Variants in PTPRN2 observed in about 807,000 individuals in gnomAD.
PTPRN2 encodes the protein receptor-type tyrosine-protein phosphatase N2.
A neutral mutation model predicts 118.8 loss-of-function variants in PTPRN2; 74 were observed. The ratio of observed to expected loss-of-function variants is 0.62; its 90% CI spans 0.52 to 0.76. The LOEUF is 0.76. Ranked by LOEUF, PTPRN2 falls within the 30% of genes least tolerant of loss-of-function variation. The pLI is 0.00. For synonymous variants in PTPRN2, 641 were observed against 608.0 expected, an observed-to-expected ratio of 1.05 and a Z score of -0.80; for missense variants, 1,481 against 1,394.4, an observed-to-expected ratio of 1.06 and a Z score of -0.99.
intron 12 of PTPRN2, among the ~76,000 whole-genome samples, chr7:157,751,528 G>A (rs1456374181): frequency 6.6e-6 from 1 of 152,114 alleles, no homozygotes. Flanking sequence ...GCGCTCGCTC[G>A]GGAGGTGTCT....
intron 3 of PTPRN2, among the ~76,000 whole-genome samples, chr7:158,251,267 T>C (rs1048967870): frequency 2.6e-5 from 4 of 152,208 alleles, no homozygotes; most frequent in African/African-American, 7.2e-5. Flanking sequence ...GGAACCCTCA[T>C]TGGTGAGCCG....
At chr7:157,675,354 A>G (rs1432686260) in intron 13 of PTPRN2, among the ~76,000 whole-genome samples, 1 of 152,076 alleles carries the variant, frequency 6.6e-6, no homozygotes, top group African/African-American at 2.4e-5. Context: ...CCGAGGCTGC[A>G]CCTGCACCAA....
At chr7:158,413,247 A>G (rs1237121808) in intron 2 of PTPRN2, among the ~76,000 whole-genome samples, 5 of 152,234 alleles carry the variant, frequency 3.3e-5, no homozygotes, top group Non-Finnish European at 7.3e-5. Context: ...ATTTTGTGCC[A>G]AAGTTGGGTT....
At chr7:158,044,943 A>G (rs1808737482) in intron 11 of PTPRN2, among the ~76,000 whole-genome samples, 1 of 152,218 alleles carries the variant, frequency 6.6e-6, no homozygotes, top group East Asian at 1.9e-4. Context: ...GCAGCCCCAA[A>G]CAATAACAAC....
At chr7:158,336,334 T>C (rs1289261753) in intron 2 of PTPRN2, among the ~76,000 whole-genome samples, 52 of 122,110 alleles carry the variant, frequency 4.3e-4, no homozygotes, top group African/African-American at 1.4e-3. Context: ...AGGTGACACC[T>C]GCAGACGTCA....
intron 2 of PTPRN2, among the ~76,000 whole-genome samples, chr7:158,334,416 T>A (rs866099302): frequency 1.6e-4 from 1 of 6,280 alleles, no homozygotes; most frequent in Non-Finnish European, 3.7e-4. Context: ...AGGTGAAACC[T>A]GCAGACGTCA....
At chr7:157,876,760 G>A (rs1016096877) in intron 12 of PTPRN2, among the ~76,000 whole-genome samples, 10 of 152,194 alleles carry the variant, frequency 6.6e-5, no homozygotes, top group Admixed American at 2.0e-4. Context: ...ACCCCAGGGC[G>A]GAGAACTTTC....
intron 3 of PTPRN2, among the ~76,000 whole-genome samples, chr7:158,279,425 G>C (rs1460521864): frequency 6.6e-6 from 1 of 152,136 alleles, no homozygotes; most frequent in African/African-American, 2.4e-5. Flanking sequence ...GGTACTCGCT[G>C]CAGGACTTTG....
At chr7:158,425,921 T>A (rs1815711405) in intron 2 of PTPRN2, among the ~76,000 whole-genome samples, 1 of 140,242 alleles carries the variant, frequency 7.1e-6, no homozygotes, top group African/African-American at 2.9e-5. Flanking sequence ...GCAGAGTCAG[T>A]CCAGCCTAGC....
At chr7:158,150,088 G>T (rs540541622) in intron 6 of PTPRN2, among the ~76,000 whole-genome samples, 1 of 152,180 alleles carries the variant, frequency 6.6e-6, no homozygotes, top group African/African-American at 2.4e-5. Flanking sequence ...AGAGGCCGTG[G>T]GGCAGAAGGC....
chr7:157,985,845 C>T (rs888974078), intron 11 of PTPRN2, among the ~76,000 whole-genome samples: 1 of 152,120 alleles, frequency 6.6e-6, no homozygotes, highest in Non-Finnish European at 1.5e-5. Flanking sequence ...GACCCGGCCT[C>T]GCTCAGAAAG....
At position 157,986,283 on chromosome 7, in the gene PTPRN2, C is replaced by A. The variant is rs1426213015; in HGVS notation, c.1724-87546G>T. Among the ~76,000 whole-genome samples the A allele has an allele frequency of 2.6e-5, 4 of 152,178 alleles. No homozygotes were observed. The highest frequency in any genetic ancestry group is 4.4e-5 in the Non-Finnish European group (3 of 68,042). On this transcript the variant is annotated intron_variant, in intron 11 of 22. Coordinates refer to ENST00000389418, the MANE Select transcript of PTPRN2 (RefSeq NM_002847.5). The surrounding 1 kb of genome is among the most constrained non-coding windows in gnomAD (Gnocchi z 4.5). ...AACGTGAAGGCTCCACCACTAGGAC[C>A]CAGGCAAGACTGCCAAGCGGATGAG...
chr7:157,827,788 C>T (rs987168785), intron 12 of PTPRN2, among the ~76,000 whole-genome samples: 1 of 152,246 alleles, frequency 6.6e-6, no homozygotes, highest in Non-Finnish European at 1.5e-5. Flanking sequence ...AGCTGCCGGC[C>T]CCGCCCTCGC....
chr7:157,931,127 G>C (rs1799334328), intron 11 of PTPRN2, among the ~76,000 whole-genome samples: 1 of 152,156 alleles, frequency 6.6e-6, no homozygotes, highest in Non-Finnish European at 1.5e-5. Flanking sequence ...GAGCTGCGGT[G>C]CCTGGCATTG....
intron 3 of PTPRN2, among the ~76,000 whole-genome samples, chr7:158,312,360 A>G (rs1268542582): frequency 3.4e-5 from 5 of 148,188 alleles, no homozygotes; most frequent in African/African-American, 1.0e-4. Flanking sequence ...GTGTAGACAC[A>G]CACACATGCA....
At chr7:157,930,395 G>C (rs999681133) in intron 11 of PTPRN2, among the ~76,000 whole-genome samples, 1 of 152,170 alleles carries the variant, frequency 6.6e-6, no homozygotes, top group Admixed American at 6.5e-5. Context: ...CTCTGTTCAG[G>C]GTCTCTCAGC....
intron 12 of PTPRN2, among the ~76,000 whole-genome samples, chr7:157,760,627 C>T (rs549527123): frequency 6.6e-6 from 1 of 152,242 alleles, no homozygotes; most frequent in South Asian, 2.1e-4. Context: ...CCAGATCCAG[C>T]CTCACCCCAT....
intron 1 of PTPRN2, among the ~76,000 whole-genome samples, chr7:158,556,862 G>A (rs1267203428): frequency 7.5e-5 from 11 of 146,548 alleles, no homozygotes; most frequent in Non-Finnish European, 9.0e-5. Flanking sequence ...GACAGCTCCC[G>A]GGCAGGTCAG....
intron 2 of PTPRN2, among the ~76,000 whole-genome samples, chr7:158,391,679 CACCCCAGCCCCTCACAGCCCTGACCAGCT>C (rs1437067460): frequency 6.6e-6 from 1 of 152,214 alleles, no homozygotes; most frequent in Non-Finnish European, 1.5e-5. Flanking sequence ...GCTGGAGTCC[CACCCCAGCCCCTCACAGCCCTGACCAGCT>C]GCCCAGGCTG....
Sources: allele counts gnomAD v4.1 joint callset (sites outside exome capture counted in the v4.1 genomes callset), GRCh38; gene constraint gnomAD v4.1.1; non-coding constraint Gnocchi (gnomAD v3.1); transcripts MANE v1.5; gene names NCBI Gene and HGNC (gene_info 2026-07-23, HGNC 2026-07-21).